The following C1QTNF9 variants were observed in gnomAD, a reference collection of about 807,000 sequenced individuals.
C1QTNF9 encodes C1q and TNF related 9.
A neutral mutation model predicts 10.1 loss-of-function variants in C1QTNF9; 6 were observed. The ratio of observed to expected loss-of-function variants is 0.59; its 90% confidence interval spans 0.32 to 1.17. C1QTNF9 has a LOEUF of 1.17. C1QTNF9 is among the 50% of genes most tolerant of loss of function. The pLI is 0.04. For missense variants in C1QTNF9, 201 were observed against 418.8 expected (o/e 0.48, Z 4.54); for synonymous variants, 98 against 163.5 (o/e 0.60, Z 3.06).
In C1QTNF9 at chr13:24,312,792, T is replaced by TA. The variant is rs35362142; in HGVS notation, c.-23+3180dup. 6.3e-3 allele frequency among the ~76,000 whole-genome samples: 950 copies of TA among 151,656 alleles called. 8 individuals are homozygous for TA. Among genetic ancestry groups the TA allele is most frequent in the African/African-American group, 0.02 (838 of 41,356 alleles). On this transcript the variant is annotated intron_variant, in intron 1 of 3. Coordinates refer to ENST00000332018, the Ensembl canonical transcript of C1QTNF9. ...TAACATGGTGAAACCCCGTCTCTACTAAAATACAAAAAATTACCCGGGCAT... is the reference window on the plus strand; with the variant it reads ...TAACATGGTGAAACCCCGTCTCTACTAAAAATACAAAAAATTACCCGGGCAT...
At chr13:24,320,332 A>C in intron 3 of C1QTNF9, among the ~76,000 whole-genome samples, 1 of 152,146 alleles carries the variant, frequency 6.6e-6, no homozygotes, top group East Asian at 1.9e-4. Flanking sequence ...GTGTGTTGGG[A>C]TGTGTGTGTG....
intron 3 of C1QTNF9, among the ~76,000 whole-genome samples, chr13:24,319,674 G>A (rs1878173443): frequency 6.6e-6 from 1 of 152,234 alleles, no homozygotes; most frequent in Admixed American, 6.5e-5. Context: ...GAACCTTGCA[G>A]TGGATGAGCA....
intron 1 of C1QTNF9, among the ~76,000 whole-genome samples, chr13:24,311,489 T>C (rs117657700): frequency 1.3e-5 from 2 of 152,324 alleles, no homozygotes; most frequent in East Asian, 3.9e-4. Flanking sequence ...ATGATATCAA[T>C]GTATAGAGAT....
At chr13:24,319,462 C>T (rs1242466528) in intron 3 of C1QTNF9, among the ~76,000 whole-genome samples, 1 of 152,100 alleles carries the variant, frequency 6.6e-6, no homozygotes, top group Admixed American at 6.5e-5. Flanking sequence ...TCGCTTGAGC[C>T]TGGGAGGTTG....
At chr13:24,307,970 A>G (rs1877661961), upstream of C1QTNF9, among the ~76,000 whole-genome samples, 2 of 152,164 alleles carry the variant, frequency 1.3e-5, no homozygotes. Flanking sequence ...CCGGCTTCCC[A>G]CGGACCCCAG....
Position 24,320,648 on chromosome 13 carries a change from G to A in C1QTNF9, c.230-348G>A, listed in dbSNP as rs143266684. On this transcript the variant is annotated intron_variant, in intron 3 of 3. Transcript: ENST00000332018. ...AGTCTGCCCACCTTGGCCTCCCAAA[G>A]TGCTAGGATTACAGGCATGAGCCAC... Among the ~76,000 whole-genome samples, 391 of 152,276 alleles carry A rather than the reference G, an allele frequency of 2.6e-3. 10 individuals carry two copies. The East Asian group carries it at 0.063, about 24-fold the overall frequency.
At chr13:24,309,066 G>A (rs892068534), upstream of C1QTNF9, among the ~76,000 whole-genome samples, 2 of 151,790 alleles carry the variant, frequency 1.3e-5, no homozygotes, top group African/African-American at 2.4e-5. Context: ...CTAATGGTCC[G>A]GGATCCAAAT....
chr13:24,317,254 AGTGTGT>A (rs10663026), intron 2 of C1QTNF9, among the ~76,000 whole-genome samples: 5 of 125,876 alleles, frequency 4.0e-5, no homozygotes, highest in African/African-American at 5.8e-5. Context: ...GGACCACAGT[AGTGTGT>A]GTGTGTGTGT....
chr13:24,321,828 T>C (rs1878288896), exon 4 of C1QTNF9: 1 of 1,485,916 alleles, frequency 6.7e-7, no homozygotes, highest in South Asian at 1.5e-5. Context: ...GATGAACTTA[T>C]TCAGATGGTT....
At chr13:24,310,622 T>C (rs1253168280) in intron 1 of C1QTNF9, among the ~76,000 whole-genome samples, 5 of 151,572 alleles carry the variant, frequency 3.3e-5, no homozygotes, top group Non-Finnish European at 7.4e-5. Flanking sequence ...TGTCAAGATA[T>C]GTTGAAGAAG....
chr13:24,317,594 C>T (rs1878090452), intron 2 of C1QTNF9, among the ~76,000 whole-genome samples: 1 of 145,878 alleles, frequency 6.9e-6, no homozygotes, highest in Non-Finnish European at 1.5e-5. Context: ...TAAAAATTTA[C>T]TTCATTTTTA....
chr13:24,308,953 T>C (rs370352714), upstream of C1QTNF9, among the ~76,000 whole-genome samples: 1 of 152,170 alleles, frequency 6.6e-6, no homozygotes, highest in East Asian at 1.9e-4. Context: ...GAGTGTGTGA[T>C]TGTGAGAGGG....
In C1QTNF9 at chr13:24,321,625, G is replaced by A. The variant is rs748818813; in HGVS notation, c.859G>A (p.Ala287Thr). The A allele has an allele frequency of 3.7e-6, 6 of 1,614,086 alleles. No homozygotes were observed. The East Asian group carries it at 1.3e-4, about 36-fold the overall frequency. ...TGCTTACATGAGCTCTGAGGACCAG[G>A]CCTCTGGCGGCATTGTCCTGCAGCT... is the stretch of plus-strand genomic sequence containing the variant. Residue 287 changes from alanine (A) to threonine (T), a missense_variant, in exon 4 of 4, where the codon GCC (alanine) becomes ACC (threonine). Physicochemically the swap from Ala to Thr is moderately conservative, Grantham distance 58. Coordinates refer to ENST00000332018, the Ensembl canonical transcript of C1QTNF9.
At chr13:24,310,116 A>C (rs36097578) in intron 1 of C1QTNF9, among the ~76,000 whole-genome samples, 46,968 of 150,064 alleles carry the variant, frequency 0.31, 8,093 homozygotes, top group Non-Finnish European at 0.38. Flanking sequence ...CTGCTCTTGA[A>C]CTCCTGACCT....
chr13:24,308,581 G>T (rs1242930505), upstream of C1QTNF9, among the ~76,000 whole-genome samples: 11 of 152,246 alleles, frequency 7.2e-5, no homozygotes, highest in African/African-American at 2.4e-4. Flanking sequence ...GAGTAAGGCG[G>T]GAGAGGGAGT....
intron 1 of C1QTNF9, among the ~76,000 whole-genome samples, chr13:24,314,777 A>G (rs888402895): frequency 6.6e-6 from 1 of 152,062 alleles, no homozygotes; most frequent in African/African-American, 2.4e-5. Flanking sequence ...TGGGAGGTTG[A>G]GACTACAGTG....
At chr13:24,314,512 G>A (rs565680922) in intron 1 of C1QTNF9, among the ~76,000 whole-genome samples, 14 of 152,078 alleles carry the variant, frequency 9.2e-5, no homozygotes, top group Non-Finnish European at 1.9e-4. Flanking sequence ...GTGAAACCCC[G>A]TCTCTACTAA....
At chr13:24,319,527 G>A (rs1283829187) in intron 3 of C1QTNF9, among the ~76,000 whole-genome samples, 2 of 152,098 alleles carry the variant, frequency 1.3e-5, no homozygotes, top group East Asian at 1.9e-4. Context: ...TAACAGAGTG[G>A]GTGACCCTGT....
chr13:24,317,193 G>T (rs1227576446), intron 2 of C1QTNF9, among the ~76,000 whole-genome samples: 1 of 151,924 alleles, frequency 6.6e-6, no homozygotes, highest in Non-Finnish European at 1.5e-5. Context: ...CAGTCCAAAT[G>T]AATAGCAAAA....
Sources: allele counts gnomAD v4.1 joint callset (sites outside exome capture counted in the v4.1 genomes callset), GRCh38; gene constraint gnomAD v4.1.1; transcripts MANE v1.5; gene names NCBI Gene and HGNC (gene_info 2026-07-23, HGNC 2026-07-21).